MTUS1: variants seen among roughly 807,000 people sequenced by gnomAD.
MTUS1 encodes the protein microtubule-associated tumor suppressor 1.
In MTUS1, 109 loss-of-function variants were observed where a neutral mutation model predicts 120.8. The observed-to-expected ratio is 0.90, with a 90% CI of 0.77 to 1.06. The LOEUF (loss-of-function observed/expected upper bound fraction) is 1.06, where lower values mean the gene tolerates loss of function less well. Ranked by LOEUF, MTUS1 falls within the 50% of genes least tolerant of loss-of-function variation. The pLI is 0.00. For missense variants in MTUS1, 2,210 were observed against 1,486.3 expected, an observed-to-expected ratio of 1.49 and a Z score of -8.01; for synonymous variants, 737 against 550.5, an observed-to-expected ratio of 1.34 and a Z score of -4.74.
At chr8:17,776,678 CAAAAAAAAAA>C (rs71215272) in intron 1 of MTUS1, among the ~76,000 whole-genome samples, 5 of 55,180 alleles carry the variant, frequency 9.1e-5, no homozygotes, top group African/African-American at 1.4e-4. Flanking sequence ...GACTCTGTCT[CAAAAAAAAAA>C]AAAAAAAAAA....
At chr8:17,697,469 A>G (rs1818217187) in intron 6 of MTUS1, 3 of 1,495,510 alleles carry the variant, frequency 2.0e-6, no homozygotes, top group Admixed American at 1.9e-5. Flanking sequence ...CTTCAAGGCC[A>G]AGAAATACAG....
intron 3 of MTUS1, among the ~76,000 whole-genome samples, chr8:17,729,758 C>A (rs564256348): frequency 1.8e-3 from 264 of 148,876 alleles, no homozygotes; most frequent in African/African-American, 6.3e-3. Context: ...TAAGAATAGC[C>A]AAAAAAAAAT....
At chr8:17,722,653 CA>C in intron 4 of MTUS1, 1 of 718,756 alleles carries the variant, frequency 1.4e-6, no homozygotes, top group African/African-American at 1.9e-5. Context: ...GCCTTCTCTA[CA>C]AAAAATGCAT....
At chr8:17,722,158 A>G in intron 4 of MTUS1, 1 of 1,124,430 alleles carries the variant, frequency 8.9e-7, no homozygotes, top group Non-Finnish European at 1.1e-6. Flanking sequence ...CCCCTTTGTT[A>G]AAAGACAAAA....
intron 5 of MTUS1, among the ~76,000 whole-genome samples, chr8:17,715,323 A>C (rs1822111909): frequency 6.6e-6 from 1 of 152,206 alleles, no homozygotes; most frequent in South Asian, 2.1e-4. Flanking sequence ...TAATCACAGC[A>C]AATAAAAAGT....
At position 17,723,780 on chromosome 8, in the gene MTUS1, G is replaced by T. The variant is rs751529077; in HGVS notation, c.2341C>A (p.Pro781Thr). The stretch of plus-strand genomic sequence containing the variant: ...AAAGATGCTTTGGATTTAGGAAGTG[G>T]TCTAGGCAAATTCACCCATGACGAC... ...AQSSWVNLPR[P>T]LPKSKASLKS... Residue 781 changes from proline to threonine, a missense_variant, in exon 4 of 15, where the codon CCA becomes ACA. Physicochemically the swap from Pro to Thr is conservative, Grantham distance 38. Transcript: ENST00000693296. 22 of 1,609,488 alleles carry T rather than the reference G, an allele frequency of 1.4e-5. No individual in the cohort carries two copies. The Admixed American group carries it at 3.5e-4, about 26-fold the overall frequency.
chr8:17,773,573 C>T (rs1172070309), intron 1 of MTUS1, among the ~76,000 whole-genome samples: 1 of 152,138 alleles, frequency 6.6e-6, no homozygotes, highest in Non-Finnish European at 1.5e-5. Flanking sequence ...CTGGTAAGGA[C>T]CATCTTGCTG....
At chr8:17,787,345 T>A (rs769878516) in intron 1 of MTUS1, among the ~76,000 whole-genome samples, 19 of 152,116 alleles carry the variant, frequency 1.2e-4, no homozygotes, top group Non-Finnish European at 2.4e-4. Flanking sequence ...CATTCCCCCA[T>A]CCCTCCTCCT....
intron 1 of MTUS1, among the ~76,000 whole-genome samples, chr8:17,759,694 A>C (rs2048890140): frequency 6.7e-6 from 1 of 149,828 alleles, no homozygotes; most frequent in South Asian, 2.1e-4. Flanking sequence ...TTTGCTTTTA[A>C]GACTCATATA....
intron 6 of MTUS1, among the ~76,000 whole-genome samples, chr8:17,686,176 T>C (rs962318676): frequency 2.0e-5 from 3 of 152,208 alleles, no homozygotes; most frequent in Non-Finnish European, 2.9e-5. Flanking sequence ...TGTGAATGTC[T>C]TCCCTGGATG....
chr8:17,741,820 A>G (rs2047339181), intron 3 of MTUS1, among the ~76,000 whole-genome samples: 1 of 152,220 alleles, frequency 6.6e-6, no homozygotes, highest in Non-Finnish European at 1.5e-5. Context: ...TTGTCCCTAG[A>G]AAGGTAAGGG....
intron 6 of MTUS1, among the ~76,000 whole-genome samples, chr8:17,693,623 C>T (rs1363623464): frequency 6.6e-6 from 1 of 152,206 alleles, no homozygotes; most frequent in African/African-American, 2.4e-5. Context: ...CTGTCGGAAA[C>T]ACTTTGTTTC....
intron 5 of MTUS1, among the ~76,000 whole-genome samples, chr8:17,715,015 C>G (rs1305975890): frequency 7.1e-6 from 1 of 141,610 alleles, no homozygotes; most frequent in Non-Finnish European, 1.5e-5. Context: ...AAGCAATTCT[C>G]ATGCCTCAGC....
chr8:17,767,643 G>A (rs1375641045), intron 1 of MTUS1, among the ~76,000 whole-genome samples: 1 of 147,362 alleles, frequency 6.8e-6, no homozygotes, highest in Admixed American at 6.9e-5. Context: ...AGGTTACAGT[G>A]AGCCATGATC....
intron 1 of MTUS1, among the ~76,000 whole-genome samples, chr8:17,778,108 A>G (rs1423080742): frequency 6.6e-6 from 1 of 152,174 alleles, no homozygotes; most frequent in East Asian, 1.9e-4. Context: ...TAATTGCCAA[A>G]AACTTGAAAT....
intron 8 of MTUS1, among the ~76,000 whole-genome samples, chr8:17,662,021 T>C (rs1442447468): frequency 6.6e-6 from 1 of 152,140 alleles, no homozygotes; most frequent in South Asian, 2.1e-4. Flanking sequence ...GTTCTCAGAG[T>C]GCTCCTCGGC....
intron 2 of MTUS1, among the ~76,000 whole-genome samples, chr8:17,752,415 C>G (rs936513661): frequency 6.6e-6 from 1 of 152,100 alleles, no homozygotes; most frequent in African/African-American, 2.4e-5. Flanking sequence ...TATCGGTTTT[C>G]TAAGTTTGAC....
chr8:17,703,949 A>C (rs908886818), intron 6 of MTUS1: 7 of 152,052 alleles, frequency 4.6e-5, no homozygotes, highest in African/African-American at 1.7e-4. Context: ...TCCCCTTTTC[A>C]AATCCCTAAT....
At chr8:17,646,447 G>C (rs967268778) in intron 14 of MTUS1, among the ~76,000 whole-genome samples, 1 of 152,048 alleles carries the variant, frequency 6.6e-6, no homozygotes, top group African/African-American at 2.4e-5. Context: ...AATTAGTCAC[G>C]CATGGTGACA....
Sources: gnomAD v4.1 joint callset for allele counts (sites outside exome capture counted in the v4.1 genomes callset) on GRCh38, gnomAD v4.1.1 for gene constraint, MANE v1.5 for transcripts, NCBI Gene and HGNC (gene_info 2026-07-23, HGNC 2026-07-21) for gene names.